SYN2: variants seen among roughly 807,000 people sequenced by gnomAD.
SYN2 encodes the protein synapsin-2.
In SYN2, 19 loss-of-function variants were observed where a neutral mutation model predicts 50.9. The ratio of observed to expected loss-of-function variants is 0.37; its 90% CI spans 0.26 to 0.55. SYN2 has a LOEUF of 0.55. Ranked by LOEUF, SYN2 falls within the 20% of genes least tolerant of loss-of-function variation. The pLI, the probability that SYN2 is intolerant of heterozygous loss-of-function variation, is 0.81. For missense variants in SYN2, 587 were observed against 576.4 expected (o/e 1.02, Z -0.19); for synonymous variants, 255 against 224.9 (o/e 1.13, Z -1.20).
intron 12 of SYN2, among the ~76,000 whole-genome samples, chr3:12,188,821 T>C (rs1304617645): frequency 6.6e-6 from 1 of 152,172 alleles, no homozygotes; most frequent in Non-Finnish European, 1.5e-5. Context: ...AGCTGTTTCC[T>C]GCCTGCTGAC....
intron 1 of SYN2, among the ~76,000 whole-genome samples, chr3:12,108,373 C>A (rs1318696840): frequency 6.6e-6 from 1 of 152,128 alleles, no homozygotes; most frequent in Non-Finnish European, 1.5e-5. Context: ...GCAGATATCC[C>A]TCACTTCTGT....
At chr3:12,090,925 A>G (rs1695811536) in intron 1 of SYN2, among the ~76,000 whole-genome samples, 1 of 152,154 alleles carries the variant, frequency 6.6e-6, no homozygotes, top group Non-Finnish European at 1.5e-5. Flanking sequence ...TATAAGACAA[A>G]CTCATGTAAA....
chr3:12,177,398 T>C (rs1467402846), intron 10 of SYN2, among the ~76,000 whole-genome samples: 1 of 152,188 alleles, frequency 6.6e-6, no homozygotes, highest in Non-Finnish European at 1.5e-5. Context: ...GTGTGGCCCA[T>C]GAAAGCCAAA....
intron 1 of SYN2, among the ~76,000 whole-genome samples, chr3:12,137,233 G>A (rs1002436437): frequency 6.9e-6 from 1 of 145,412 alleles, no homozygotes; most frequent in South Asian, 2.2e-4. Context: ...GCGCAACAGA[G>A]CAAGATCCTG....
chr3:12,114,857 G>A (rs1454051989), intron 1 of SYN2, among the ~76,000 whole-genome samples: 1 of 152,128 alleles, frequency 6.6e-6, no homozygotes, highest in Non-Finnish European at 1.5e-5. Context: ...GGAGAACGTA[G>A]CAGTGCACTC....
rs1460297154 is a variant in SYN2 at position 12,075,548 on chromosome 3, T to C, written c.378-65103T>C. Among the ~76,000 whole-genome samples the C allele has an allele frequency of 2.0e-5, 3 of 152,092 alleles. No homozygotes were observed. In the East Asian group the frequency reaches 5.8e-4, roughly 29 times the overall value. On this transcript the variant is annotated intron_variant, in intron 1 of 12. Coordinates refer to ENST00000621198, the MANE Select transcript of SYN2 (RefSeq NM_133625.6). ...AGAATGAAATAACCTGCAGTCCACA[T>C]TTATCTGTGAATGCTACTCAGTTTT... is the stretch of plus-strand genomic sequence containing the variant.
chr3:12,065,717 G>C (rs923339913), intron 1 of SYN2, among the ~76,000 whole-genome samples: 1 of 152,104 alleles, frequency 6.6e-6, no homozygotes, highest in African/African-American at 2.4e-5. Context: ...GAAGGAGGGT[G>C]GGGGCAAGGG....
intron 1 of SYN2, among the ~76,000 whole-genome samples, chr3:12,017,119 T>G (rs949371115): frequency 6.6e-6 from 1 of 151,706 alleles, no homozygotes; most frequent in Admixed American, 6.6e-5. Context: ...CAGTTAAGAG[T>G]AAGAGAAAGA....
intron 1 of SYN2, among the ~76,000 whole-genome samples, chr3:12,053,763 AT>A (rs1194699478): frequency 1.3e-5 from 2 of 152,182 alleles, no homozygotes; most frequent in Non-Finnish European, 2.9e-5. Flanking sequence ...CTCAATTAAA[AT>A]TTTTGTATGC....
intron 1 of SYN2, among the ~76,000 whole-genome samples, chr3:12,101,572 A>C (rs1290000793): frequency 6.6e-6 from 1 of 152,214 alleles, no homozygotes; most frequent in African/African-American, 2.4e-5. Context: ...TGACAATTAC[A>C]CAACTTGTGA....
At chr3:12,111,192 C>A (rs1696305802) in intron 1 of SYN2, among the ~76,000 whole-genome samples, 1 of 152,148 alleles carries the variant, frequency 6.6e-6, no homozygotes, top group Non-Finnish European at 1.5e-5. Flanking sequence ...CTCATGAGAT[C>A]TGATGGGTTT....
chr3:12,164,742 C>T (rs1269226007), intron 7 of SYN2, among the ~76,000 whole-genome samples: 1 of 152,154 alleles, frequency 6.6e-6, no homozygotes, highest in African/African-American at 2.4e-5. Context: ...GATCTATGCC[C>T]TGCATCCCAT....
intron 1 of SYN2, among the ~76,000 whole-genome samples, chr3:12,043,861 C>T (rs1216128141): frequency 1.3e-5 from 2 of 152,118 alleles, no homozygotes; most frequent in African/African-American, 4.8e-5. Flanking sequence ...GATTTCTTTA[C>T]CTAATATTTT....
chr3:12,115,497 G>A (rs182660191), intron 1 of SYN2, among the ~76,000 whole-genome samples: 2 of 152,158 alleles, frequency 1.3e-5, no homozygotes, highest in African/African-American at 2.4e-5. Context: ...TGTGAAAAGC[G>A]TGAATTTTTG....
At chr3:12,052,396 T>C (rs1379504224) in intron 1 of SYN2, among the ~76,000 whole-genome samples, 3 of 152,184 alleles carry the variant, frequency 2.0e-5, no homozygotes, top group African/African-American at 7.2e-5. Flanking sequence ...ATGCAGTGCC[T>C]GAGGAACTCA....
chr3:12,044,626 A>AT (rs1694696902), intron 1 of SYN2, among the ~76,000 whole-genome samples: 1 of 152,188 alleles, frequency 6.6e-6, no homozygotes, highest in African/African-American at 2.4e-5. Context: ...ATTTACTTTT[A>AT]TAGGGGTGTA....
intron 10 of SYN2, among the ~76,000 whole-genome samples, chr3:12,178,146 C>T (rs1002915281): frequency 1.3e-5 from 2 of 152,172 alleles, no homozygotes; most frequent in Non-Finnish European, 1.5e-5. Context: ...GACCAGGGAG[C>T]GGGGCCTGGG....
intron 1 of SYN2, among the ~76,000 whole-genome samples, chr3:12,077,022 G>T (rs1434909466): frequency 6.6e-6 from 1 of 152,100 alleles, no homozygotes; most frequent in African/African-American, 2.4e-5. Flanking sequence ...AGAAGTGTTG[G>T]AAGTGGAGTT....
At chr3:12,077,680 A>G (rs574401849) in intron 1 of SYN2, among the ~76,000 whole-genome samples, 1 of 152,264 alleles carries the variant, frequency 6.6e-6, no homozygotes, top group Non-Finnish European at 1.5e-5. Context: ...ATAGTATTCC[A>G]TGGTGTATAC....
Sources: gnomAD v4.1 joint callset for allele counts (sites outside exome capture counted in the v4.1 genomes callset) on GRCh38, gnomAD v4.1.1 for gene constraint, MANE v1.5 for transcripts, NCBI Gene and HGNC (gene_info 2026-07-23, HGNC 2026-07-21) for gene names.